TENM2: variants seen among roughly 807,000 people sequenced by gnomAD.
TENM2 encodes the protein teneurin-2.
Under a neutral mutation model 245.2 loss-of-function variants are expected in TENM2, and 52 were observed. The observed-to-expected ratio is 0.21, with a 90% CI of 0.17 to 0.27. The LOEUF is 0.27. Ranked by LOEUF, TENM2 falls within the 10% of genes least tolerant of loss-of-function variation. TENM2 has a pLI of 1.00. For missense variants in TENM2, 3,046 were observed against 3,666.8 expected (o/e 0.83, Z 4.37); for synonymous variants, 1,363 against 1,438.9 (o/e 0.95, Z 1.19).
At chr5:168,214,809 T>C (rs1271958705) in intron 20 of TENM2, 9 of 618,480 alleles carry the variant, frequency 1.5e-5, no homozygotes, top group Admixed American at 1.3e-4. Flanking sequence ...TTGTTTAGCA[T>C]GGTGGGAAAT....
chr5:166,988,676 A>C, the TENM2 span, among the ~76,000 whole-genome samples: 1 of 152,258 alleles, frequency 6.6e-6, no homozygotes, highest in Admixed American at 6.5e-5. Flanking sequence ...CACCAAAATA[A>C]GATATAGAAA....
the TENM2 span, among the ~76,000 whole-genome samples, chr5:167,069,029 G>A: frequency 0.19 from 29,171 of 151,980 alleles, 3,808 homozygotes; most frequent in East Asian, 0.4. Flanking sequence ...TCATATGCTC[G>A]TATTTTTATG....
At chr5:167,667,285 G>A (rs1329072518) in intron 2 of TENM2, among the ~76,000 whole-genome samples, 2 of 152,030 alleles carry the variant, frequency 1.3e-5, no homozygotes, top group Non-Finnish European at 2.9e-5. Flanking sequence ...GGCCGTATTT[G>A]CCCTTGAAGT....
chr5:167,902,678 C>G (rs1775802496), intron 3 of TENM2, among the ~76,000 whole-genome samples: 1 of 152,010 alleles, frequency 6.6e-6, no homozygotes, highest in Non-Finnish European at 1.5e-5. Flanking sequence ...AGAATGAGAC[C>G]CGATGTCACT....
At chr5:167,992,270 TA>T (rs758427508) in intron 4 of TENM2, among the ~76,000 whole-genome samples, 4 of 151,020 alleles carry the variant, frequency 2.6e-5, no homozygotes, top group Admixed American at 6.6e-5. Flanking sequence ...CTATTGAAAT[TA>T]AAAAAAAGAA....
chr5:167,955,818 T>G (rs2151860177), intron 4 of TENM2, among the ~76,000 whole-genome samples: 1 of 152,298 alleles, frequency 6.6e-6, no homozygotes, highest in South Asian at 2.1e-4. Context: ...TTCTGTTCCA[T>G]TGGTCTATAT....
At chr5:167,471,211 T>A (rs1423632441) in intron 2 of TENM2, among the ~76,000 whole-genome samples, 1 of 152,190 alleles carries the variant, frequency 6.6e-6, no homozygotes, top group African/African-American at 2.4e-5. Flanking sequence ...TGAGAATTCT[T>A]CCTTGCTCTG....
chr5:168,241,662 G>C (rs1766114040), intron 25 of TENM2, among the ~76,000 whole-genome samples: 2 of 152,006 alleles, frequency 1.3e-5, no homozygotes, highest in Non-Finnish European at 2.9e-5. Context: ...TGTAGTCCTG[G>C]GTTCAGATTC....
intron 27 of TENM2, among the ~76,000 whole-genome samples, chr5:168,250,784 C>G (rs188590372): frequency 6.6e-6 from 1 of 152,150 alleles, no homozygotes; most frequent in Admixed American, 6.5e-5. Context: ...AGGGCTTCCC[C>G]GCTTACCCCA....
chr5:168,238,180 A>G (rs1562320510), intron 25 of TENM2, among the ~76,000 whole-genome samples: 4 of 61,574 alleles, frequency 6.5e-5, no homozygotes, highest in South Asian at 8.4e-4. Context: ...AGAGAGAGAG[A>G]GAGAGGGAGG....
intron 2 of TENM2, among the ~76,000 whole-genome samples, chr5:167,576,439 A>C (rs1282178718): frequency 1.3e-5 from 2 of 152,142 alleles, no homozygotes; most frequent in East Asian, 3.9e-4. Flanking sequence ...TAATTTGCTA[A>C]TTAATGAATT....
At chr5:167,022,572 T>A in the TENM2 span, among the ~76,000 whole-genome samples, 1 of 152,372 alleles carries the variant, frequency 6.6e-6, no homozygotes, top group Non-Finnish European at 1.5e-5. Context: ...TCACGTGTTA[T>A]CTTTATAAAC....
intron 2 of TENM2, among the ~76,000 whole-genome samples, chr5:167,532,704 ATC>A (rs1771588364): frequency 6.6e-6 from 1 of 151,708 alleles, no homozygotes; most frequent in African/African-American, 2.4e-5. Context: ...ATATATACAT[ATC>A]TATATATGTA....
intron 1 of TENM2, among the ~76,000 whole-genome samples, chr5:167,305,538 A>G (rs958224950): frequency 2.0e-5 from 3 of 152,212 alleles, no homozygotes; most frequent in African/African-American, 7.2e-5. Flanking sequence ...AAATATAGAA[A>G]CAATATCTGT....
intron 4 of TENM2, among the ~76,000 whole-genome samples, chr5:167,982,977 C>G (rs1782955260): frequency 6.6e-6 from 1 of 152,162 alleles, no homozygotes. Flanking sequence ...TCTTCATCTA[C>G]CTCTACCTGC....
At chr5:167,591,344 G>T (rs965422070) in intron 2 of TENM2, among the ~76,000 whole-genome samples, 1 of 152,128 alleles carries the variant, frequency 6.6e-6, no homozygotes, top group African/African-American at 2.4e-5. Context: ...GCTATTTTTT[G>T]AAGACAGAGA....
At chr5:167,422,251 A>C (rs1198252060) in intron 2 of TENM2, among the ~76,000 whole-genome samples, 1 of 152,242 alleles carries the variant, frequency 6.6e-6, no homozygotes, top group African/African-American at 2.4e-5. Flanking sequence ...CTCATATCTT[A>C]ACCAAAATAT....
intron 2 of TENM2, among the ~76,000 whole-genome samples, chr5:167,530,881 A>G (rs1771449425): frequency 6.6e-6 from 1 of 152,218 alleles, no homozygotes; most frequent in African/African-American, 2.4e-5. Context: ...CAGTCCCGCT[A>G]GAAGCCCAGG....
At chr5:167,702,552 GTATATATATATATATATATACATA>G (rs1224990659) in intron 2 of TENM2, among the ~76,000 whole-genome samples, 2 of 136,782 alleles carry the variant, frequency 1.5e-5, no homozygotes, top group South Asian at 2.3e-4. Flanking sequence ...GTGTGTGTGT[GTATATATATATATATATATACATA>G]TATATATATA....
Sources: gnomAD v4.1 joint callset for allele counts (sites outside exome capture counted in the v4.1 genomes callset) on GRCh38, gnomAD v4.1.1 for gene constraint, MANE v1.5 for transcripts, NCBI Gene and HGNC (gene_info 2026-07-23, HGNC 2026-07-21) for gene names.